The following SLC2A9 variants were observed in gnomAD, a reference collection of about 807,000 sequenced individuals.
The protein encoded by SLC2A9 is solute carrier family 2, facilitated glucose transporter member 9.
A neutral mutation model predicts 50.6 loss-of-function variants in SLC2A9; 39 were observed. The ratio of observed to expected loss-of-function variants is 0.77; its 90% CI spans 0.60 to 1.01. SLC2A9 has a LOEUF of 1.01. Ranked by LOEUF, SLC2A9 falls within the 50% of genes least tolerant of loss-of-function variation. SLC2A9 has a pLI of 0.00. For missense variants in SLC2A9, 686 were observed against 677.6 expected (o/e 1.01, Z -0.14); for synonymous variants, 324 against 276.9 (o/e 1.17, Z -1.69).
intron 3 of SLC2A9, chr4:9,783,102 T>C (rs760009484): frequency 1.2e-5 from 20 of 1,614,096 alleles, no homozygotes; most frequent in Admixed American, 5.0e-5. Flanking sequence ...AACCCCGTCA[T>C]CTATGCCTTC....
intron 10 of SLC2A9, among the ~76,000 whole-genome samples, chr4:9,835,228 A>G (rs1219381552): frequency 6.6e-6 from 1 of 152,042 alleles, no homozygotes; most frequent in Non-Finnish European, 1.5e-5. Flanking sequence ...ATTACCCTTT[A>G]CTTTCTGATG....
chr4:9,919,391 AG>A (rs1743487728), intron 7 of SLC2A9, among the ~76,000 whole-genome samples: 1 of 152,192 alleles, frequency 6.6e-6, no homozygotes, highest in African/African-American at 2.4e-5. Context: ...TGTTGAAAGG[AG>A]GTGGAACAAC....
At chr4:10,030,634 A>G (rs1763913329) in intron 1 of SLC2A9, among the ~76,000 whole-genome samples, 1 of 152,154 alleles carries the variant, frequency 6.6e-6, no homozygotes. Flanking sequence ...CTGTGAACCT[A>G]TCGTAAAGCT....
rs764302520 is a variant in SLC2A9, at chr4:9,782,212, G to T, written n.386-2147C>A. ...GGACCCTGCTGGGCAACGTGCTGGT[G>T]TGCGCAGCCATCGTGCGGAGCCGCC... On this transcript the variant is annotated intron_variant and non_coding_transcript_variant, in intron 3 of 3. Transcript: ENST00000503803. 3 of 1,611,942 alleles carry T rather than the reference G, an allele frequency of 1.9e-6. No homozygotes were observed. In the African/African-American group the frequency reaches 4.0e-5, roughly 22 times the overall value.
At chr4:9,936,697 G>A (rs1747145784) in intron 6 of SLC2A9, among the ~76,000 whole-genome samples, 1 of 152,146 alleles carries the variant, frequency 6.6e-6, no homozygotes, top group South Asian at 2.1e-4. Context: ...AGAAATCGGG[G>A]CTCCAGGGGC....
chr4:9,869,187 C>T (rs911721709), intron 10 of SLC2A9, among the ~76,000 whole-genome samples: 39 of 152,112 alleles, frequency 2.6e-4, no homozygotes, highest in African/African-American at 9.2e-4. Context: ...ACAGAGAAAA[C>T]GGAGGCTGAG....
At chr4:9,945,014 A>T (rs2108797940) in intron 5 of SLC2A9, among the ~76,000 whole-genome samples, 1 of 152,350 alleles carries the variant, frequency 6.6e-6, no homozygotes, top group African/African-American at 2.4e-5. Flanking sequence ...TGGGGCCACA[A>T]TAAAGGCTCT....
intron 5 of SLC2A9, among the ~76,000 whole-genome samples, chr4:9,953,369 A>G (rs1482345335): frequency 6.6e-6 from 1 of 152,228 alleles, no homozygotes; most frequent in African/African-American, 2.4e-5. Flanking sequence ...TTGCTTAAAG[A>G]GCTGGAGCCA....
chr4:9,796,231 C>T (rs967339245), downstream of SLC2A9, among the ~76,000 whole-genome samples: 4 of 152,198 alleles, frequency 2.6e-5, no homozygotes, highest in East Asian at 1.9e-4. Flanking sequence ...GAGCAGCCCT[C>T]ATGAACATCG....
At chr4:9,965,254 G>T (rs906761060) in intron 5 of SLC2A9, among the ~76,000 whole-genome samples, 93 of 152,340 alleles carry the variant, frequency 6.1e-4, no homozygotes, top group African/African-American at 2.2e-3. Context: ...AGGCAGTCGG[G>T]CACGAGGGCC....
intron 2 of SLC2A9, among the ~76,000 whole-genome samples, chr4:9,997,948 A>G (rs1467010237): frequency 6.6e-6 from 1 of 152,232 alleles, no homozygotes; most frequent in Non-Finnish European, 1.5e-5. Flanking sequence ...AACATGTCAA[A>G]AAGGAGGCAA....
chr4:9,779,456 C>A (rs748669548), downstream of SLC2A9, among the ~76,000 whole-genome samples: 1 of 151,604 alleles, frequency 6.6e-6, no homozygotes, highest in African/African-American at 2.4e-5. Context: ...GCTCTGTCAC[C>A]CAGGCTGGAG....
chr4:9,982,264 C>T (rs559684758), intron 4 of SLC2A9, among the ~76,000 whole-genome samples: 59 of 152,298 alleles, frequency 3.9e-4, no homozygotes, highest in Non-Finnish European at 5.7e-4. Flanking sequence ...ATTGTCTCAC[C>T]TTAAGTGCCC....
intron 3 of SLC2A9, among the ~76,000 whole-genome samples, chr4:9,788,391 A>G (rs1449927031): frequency 7.5e-6 from 1 of 133,380 alleles, no homozygotes; most frequent in Non-Finnish European, 1.6e-5. Flanking sequence ...GGGACTCCCT[A>G]TGTTGCCCAG....
At chr4:10,007,786 A>G (rs1761058311) in intron 2 of SLC2A9, among the ~76,000 whole-genome samples, 1 of 152,216 alleles carries the variant, frequency 6.6e-6, no homozygotes, top group Admixed American at 6.5e-5. Context: ...TTACCAGTCA[A>G]TTCACTTCTG....
chr4:9,837,679 G>A (rs1013199248), intron 10 of SLC2A9, among the ~76,000 whole-genome samples: 2 of 152,186 alleles, frequency 1.3e-5, no homozygotes, highest in African/African-American at 4.8e-5. Context: ...CACATACCAG[G>A]TGCTCTGTAA....
chr4:9,853,328 CAGA>C (rs1170444801), intron 10 of SLC2A9, among the ~76,000 whole-genome samples: 1 of 112,262 alleles, frequency 8.9e-6, no homozygotes, highest in African/African-American at 5.4e-5. Flanking sequence ...GAATGGAAAA[CAGA>C]AAAAAATCAG....
At chr4:9,885,540 G>C (rs966999416) in intron 10 of SLC2A9, among the ~76,000 whole-genome samples, 2 of 152,172 alleles carry the variant, frequency 1.3e-5, no homozygotes, top group Non-Finnish European at 1.5e-5. Flanking sequence ...GCCAGGGCAG[G>C]CTCCCGTGTT....
chr4:9,790,059 G>A (rs1719705962), intron 3 of SLC2A9, among the ~76,000 whole-genome samples: 1 of 152,204 alleles, frequency 6.6e-6, no homozygotes, highest in Non-Finnish European at 1.5e-5. Context: ...GGAGGAAAAG[G>A]AGGCTGAGAG....
Sources: allele counts gnomAD v4.1 joint callset (sites outside exome capture counted in the v4.1 genomes callset), GRCh38; gene constraint gnomAD v4.1.1; transcripts MANE v1.5; gene names NCBI Gene and HGNC (gene_info 2026-07-23, HGNC 2026-07-21).